The following NCKAP5 variants were observed in gnomAD, a reference collection of about 807,000 sequenced individuals.
NCKAP5 encodes the protein NCK associated protein 5, also known as nck-associated protein 5.
In NCKAP5, 92 loss-of-function variants were observed where a neutral mutation model predicts 167.0. That is an observed-to-expected ratio of 0.55 (90% CI 0.47 to 0.66). The LOEUF (loss-of-function observed/expected upper bound fraction) is 0.66. Among genes scored for constraint, NCKAP5 ranks in the 30% least tolerant of loss-of-function variants. NCKAP5 has a pLI of 0.00. For missense variants in NCKAP5, 2,378 were observed against 2,315.0 expected, an observed-to-expected ratio of 1.03 and a Z score of -0.56; for synonymous variants, 891 against 877.4, an observed-to-expected ratio of 1.02 and a Z score of -0.27.
At position 133,444,379 on chromosome 2, in the gene NCKAP5, GA is replaced by G. The variant is rs1270362417; in HGVS notation, c.69+73078del. Among the ~76,000 whole-genome samples the G allele has an allele frequency of 1.5e-3, 220 of 150,598 alleles. 1 individual carries two copies. Among genetic ancestry groups the G allele is most frequent in the African/African-American group, 5.3e-3 (212 of 40,292 alleles). ...AGATAGATAGATAGATAGATAGATA[GA>G]TAGATAGATAGATAGATAGATAGAT... On this transcript the variant is annotated intron_variant, in intron 3 of 19. Transcript: ENST00000409261.
In NCKAP5 at chr2:133,235,703, G is replaced by A. The variant is rs772256969; in HGVS notation, c.144-21924C>T. Reference sequence around the variant, plus strand: ...ATGGATCACCTGAGGTTAGGAGTTCGAGACCAGCCTGACCAACATGGAGGA... The same window carrying A: ...ATGGATCACCTGAGGTTAGGAGTTCAAGACCAGCCTGACCAACATGGAGGA... On this transcript the variant is annotated intron_variant, in intron 4 of 19. Transcript: ENST00000409261. Among the ~76,000 whole-genome samples the A allele has an allele frequency of 6.2e-4, 95 of 152,074 alleles. 1 individual carries two copies. The highest frequency in any genetic ancestry group is 1.1e-3 in the Non-Finnish European group (73 of 67,966).
At chr2:133,194,584 A>G (rs1052201390) in intron 5 of NCKAP5, among the ~76,000 whole-genome samples, 2 of 151,992 alleles carry the variant, frequency 1.3e-5, no homozygotes, top group African/African-American at 4.8e-5. Context: ...TCTCTCCTGA[A>G]TTTCCATGTT....
intron 6 of NCKAP5, among the ~76,000 whole-genome samples, chr2:133,055,442 T>A (rs949334603): frequency 2.0e-5 from 3 of 149,016 alleles, no homozygotes; most frequent in Non-Finnish European, 3.0e-5. Flanking sequence ...CAGAAGATGG[T>A]GTGCTGCGAG....
At chr2:133,100,621 T>C (rs2081480547) in intron 6 of NCKAP5, among the ~76,000 whole-genome samples, 1 of 152,210 alleles carries the variant, frequency 6.6e-6, no homozygotes, top group Non-Finnish European at 1.5e-5. Flanking sequence ...AAGAAATCCT[T>C]TTTGGTTATA....
At chr2:133,543,820 G>A (rs543211682) in intron 2 of NCKAP5, among the ~76,000 whole-genome samples, 1 of 152,162 alleles carries the variant, frequency 6.6e-6, no homozygotes, top group African/African-American at 2.4e-5. Flanking sequence ...TTCCCCTTCT[G>A]GGGTACTTCA....
intron 7 of NCKAP5, among the ~76,000 whole-genome samples, chr2:132,992,441 G>C (rs746044157): frequency 3.1e-4 from 47 of 152,190 alleles, no homozygotes; most frequent in Non-Finnish European, 1.2e-4. Flanking sequence ...CTGAATGAAA[G>C]AGATCCACCA....
chr2:133,113,102 C>T (rs1251074211), intron 6 of NCKAP5, among the ~76,000 whole-genome samples: 1 of 152,162 alleles, frequency 6.6e-6, no homozygotes. Context: ...GCCACTCACA[C>T]TTACATTTAT....
chr2:133,290,248 GA>G (rs144139035), intron 4 of NCKAP5, among the ~76,000 whole-genome samples: 5 of 149,066 alleles, frequency 3.4e-5, no homozygotes, highest in South Asian at 2.1e-4. Context: ...TATCCAAATG[GA>G]AAAAAAAACA....
At chr2:133,067,719 G>A (rs1400753323) in intron 6 of NCKAP5, among the ~76,000 whole-genome samples, 1 of 152,208 alleles carries the variant, frequency 6.6e-6, no homozygotes, top group Non-Finnish European at 1.5e-5. Context: ...GACCTGAGAA[G>A]GCAAGCTGCA....
intron 3 of NCKAP5, among the ~76,000 whole-genome samples, chr2:133,382,606 A>G (rs570014647): frequency 2.3e-4 from 35 of 152,282 alleles, no homozygotes; most frequent in African/African-American, 8.4e-4. Context: ...TTCTGGAGCC[A>G]TCTGCATCCT....
chr2:133,194,222 C>T (rs1488678942), intron 5 of NCKAP5, among the ~76,000 whole-genome samples: 1 of 151,890 alleles, frequency 6.6e-6, no homozygotes, highest in African/African-American at 2.4e-5. Flanking sequence ...AGTGGTTATC[C>T]TATACCTGAA....
At chr2:133,421,911 A>G (rs752835280) in intron 3 of NCKAP5, among the ~76,000 whole-genome samples, 4 of 152,184 alleles carry the variant, frequency 2.6e-5, no homozygotes, top group Non-Finnish European at 5.9e-5. Flanking sequence ...TGCTCTATTC[A>G]ATTCAACTCA....
chr2:133,074,996 G>C lies in NCKAP5; in HGVS notation c.341+54982C>G, dbSNP rs951282473. On this transcript the variant is annotated intron_variant, in intron 6 of 19. Transcript: ENST00000409261. ...TAAACTGACAAGTTTAAGAAGCTCAGCAAATATCAAGCAGTAAAATAAAAA... is the reference window on the plus strand; with the variant it reads ...TAAACTGACAAGTTTAAGAAGCTCACCAAATATCAAGCAGTAAAATAAAAA... 9.2e-5 allele frequency among the ~76,000 whole-genome samples: 14 copies of C among 152,056 alleles called. 1 individual carries two copies. Among genetic ancestry groups the C allele is most frequent in the African/African-American group, 3.4e-4 (14 of 41,474 alleles).
At chr2:133,293,077 G>A (rs1277454560) in intron 4 of NCKAP5, among the ~76,000 whole-genome samples, 2 of 152,238 alleles carry the variant, frequency 1.3e-5, no homozygotes, top group East Asian at 3.9e-4. Context: ...GACTTCTGCA[G>A]GACAGAGTCT....
chr2:132,802,211 A>ACTGTCTCT (rs1415569855), intron 11 of NCKAP5, among the ~76,000 whole-genome samples: 1 of 152,050 alleles, frequency 6.6e-6, no homozygotes, highest in East Asian at 1.9e-4. Context: ...GCTCTAGCCC[A>ACTGTCTCT]CTGTCTCTCT....
At chr2:133,320,609 T>TC (rs374523757) in intron 3 of NCKAP5, among the ~76,000 whole-genome samples, 3 of 152,124 alleles carry the variant, frequency 2.0e-5, no homozygotes, top group African/African-American at 7.2e-5. Context: ...GCACCCGTAG[T>TC]CCCAGCTACT....
intron 4 of NCKAP5, among the ~76,000 whole-genome samples, chr2:133,236,188 T>C (rs2087412270): frequency 6.6e-6 from 1 of 150,980 alleles, no homozygotes; most frequent in South Asian, 2.1e-4. Context: ...TCGATGCTGA[T>C]GAATCAACAA....
the NCKAP5 span, among the ~76,000 whole-genome samples, chr2:133,620,497 T>C: frequency 6.6e-6 from 1 of 151,994 alleles, no homozygotes; most frequent in African/African-American, 2.4e-5. Flanking sequence ...AAACAAATAT[T>C]AAAGCAACAG....
At chr2:132,702,373 A>G (rs13392087) in intron 19 of NCKAP5, among the ~76,000 whole-genome samples, 13,136 of 152,090 alleles carry the variant, frequency 0.086, 1,781 homozygotes, top group African/African-American at 0.29. Context: ...CTCAGGGACC[A>G]GGGAAGATAT....
Sources: gnomAD v4.1 joint callset for allele counts (sites outside exome capture counted in the v4.1 genomes callset) on GRCh38, gnomAD v4.1.1 for gene constraint, MANE v1.5 for transcripts, NCBI Gene and HGNC (gene_info 2026-07-23, HGNC 2026-07-21) for gene names.